ROR1: variants seen among roughly 807,000 people sequenced by gnomAD.
ROR1 encodes the protein inactive tyrosine-protein kinase transmembrane receptor ROR1.
A neutral mutation model predicts 78.8 loss-of-function variants in ROR1; 19 were observed. The ratio of observed to expected loss-of-function variants is 0.24; its 90% CI spans 0.17 to 0.35. The LOEUF is 0.35. Ranked by LOEUF, ROR1 falls within the 10% of genes least tolerant of loss-of-function variation. The probability of loss-of-function intolerance (pLI) is 1.00; values close to 1 mark genes in which losing one functional copy is unlikely to be tolerated. For missense variants in ROR1, 917 were observed against 1,177.8 expected (o/e 0.78, Z 3.24); for synonymous variants, 386 against 433.6 (o/e 0.89, Z 1.36).
At chr1:63,965,127 T>C (rs1646062974) in intron 1 of ROR1, among the ~76,000 whole-genome samples, 1 of 152,206 alleles carries the variant, frequency 6.6e-6, no homozygotes, top group Non-Finnish European at 1.5e-5. Context: ...TGAAGTATCA[T>C]CATCTGTATT....
chr1:64,069,018 C>T (rs1270606961), intron 4 of ROR1, among the ~76,000 whole-genome samples: 1 of 151,900 alleles, frequency 6.6e-6, no homozygotes, highest in Non-Finnish European at 1.5e-5. Flanking sequence ...ATTTCTTTTA[C>T]CATCTCTGTA....
chr1:63,798,790 C>T (rs906097316), intron 1 of ROR1, among the ~76,000 whole-genome samples: 5 of 151,910 alleles, frequency 3.3e-5, no homozygotes, highest in African/African-American at 7.2e-5. Context: ...TAGACATGAT[C>T]GTCCCTTCTT....
chr1:64,112,926 AC>A (rs1469281354), intron 4 of ROR1, among the ~76,000 whole-genome samples: 3 of 152,018 alleles, frequency 2.0e-5, no homozygotes, highest in African/African-American at 7.2e-5. Flanking sequence ...TCCCTATTTC[AC>A]CTCTCCACAT....
At chr1:63,962,750 G>A (rs777621517) in intron 1 of ROR1, among the ~76,000 whole-genome samples, 1 of 152,184 alleles carries the variant, frequency 6.6e-6, no homozygotes, top group Non-Finnish European at 1.5e-5. Context: ...GATGATGCTA[G>A]GTGAGGTCAG....
At chr1:63,903,396 T>C (rs1266569076) in intron 1 of ROR1, among the ~76,000 whole-genome samples, 1 of 152,172 alleles carries the variant, frequency 6.6e-6, no homozygotes, top group African/African-American at 2.4e-5. Context: ...ATTTGAAATA[T>C]AGTTGGGTTC....
chr1:64,093,774 C>A (rs1401236243), intron 4 of ROR1, among the ~76,000 whole-genome samples: 2 of 152,146 alleles, frequency 1.3e-5, no homozygotes, highest in Non-Finnish European at 2.9e-5. Flanking sequence ...ACTTCTAAAT[C>A]TGGTTTAATC....
At chr1:63,843,121 G>A (rs1224873824) in intron 1 of ROR1, 17 of 670,260 alleles carry the variant, frequency 2.5e-5, no homozygotes, top group South Asian at 2.5e-4. Flanking sequence ...TGGGAGGAAG[G>A]GGACGGCCTG....
intron 1 of ROR1, among the ~76,000 whole-genome samples, chr1:64,001,078 A>G (rs186469930): frequency 4.6e-5 from 7 of 152,250 alleles, no homozygotes; most frequent in Non-Finnish European, 1.0e-4. Context: ...CAGCCAGAAA[A>G]TGGAAACCAC....
At chr1:64,114,690 G>A (rs747042387) in intron 4 of ROR1, among the ~76,000 whole-genome samples, 6 of 152,076 alleles carry the variant, frequency 3.9e-5, no homozygotes, top group Non-Finnish European at 8.8e-5. Context: ...CAATTCAAAC[G>A]GGTATCAACT....
chr1:64,121,904 C>A (rs114819941), intron 4 of ROR1, among the ~76,000 whole-genome samples: 2,309 of 152,262 alleles, frequency 0.015, 78 homozygotes, highest in African/African-American at 0.053. Context: ...GACCTTATGG[C>A]ATTTCATTAT....
chr1:63,991,232 G>A (rs1646293805), intron 1 of ROR1, among the ~76,000 whole-genome samples: 1 of 152,048 alleles, frequency 6.6e-6, no homozygotes, highest in Admixed American at 6.6e-5. Flanking sequence ...ATTATAGACT[G>A]AGCCACCGTG....
rs563664866 is a variant in ROR1, at chr1:63,898,400, A to T, written c.92-110905A>T. Among the ~76,000 whole-genome samples the T allele has an allele frequency of 1.8e-3, 264 of 149,762 alleles. 3 individuals carry two copies. Among genetic ancestry groups the T allele is most frequent in the African/African-American group, 6.0e-3 (247 of 41,046 alleles). On this transcript the variant is annotated intron_variant, in intron 1 of 8. Coordinates refer to ENST00000371079, the MANE Select transcript of ROR1 (RefSeq NM_005012.4). ...TTTGGATAAAGGAGGTTTTTTTTTT[A>T]AAAAAAGGAAAGAATAAAAGAAGAA...
At chr1:63,892,857 A>C (rs1210149189) in intron 1 of ROR1, among the ~76,000 whole-genome samples, 4 of 152,180 alleles carry the variant, frequency 2.6e-5, no homozygotes, top group African/African-American at 9.7e-5. Flanking sequence ...AATAGGGGTG[A>C]CAGGAGAGAC....
At chr1:63,894,916 CA>C (rs1430106832) in intron 1 of ROR1, among the ~76,000 whole-genome samples, 1 of 152,146 alleles carries the variant, frequency 6.6e-6, no homozygotes, top group African/African-American at 2.4e-5. Flanking sequence ...TAAAGACCTT[CA>C]AATCTTTGAC....
Position 64,140,133 on chromosome 1 carries a change from C to G in ROR1, c.635C>G (p.Ser212Cys). The G allele has an allele frequency of 6.2e-7, 1 of 1,612,950 alleles. No individual in the cohort carries two copies. Among genetic ancestry groups the G allele is most frequent in the Non-Finnish European group, 8.5e-7 (1 of 1,178,998 alleles). The change falls in exon 6 of 9, where the codon TCC (serine) becomes TGC (cysteine). Residue 212 changes from serine (S) to cysteine (C), a missense_variant. Ser to Cys is a moderately radical substitution (Grantham distance 112, BLOSUM62 -1). Coordinates refer to ENST00000371079, the MANE Select transcript of ROR1 (RefSeq NM_005012.4). ...GCTGCCTTCACTATGATTGGCACTT[C>G]CAGTCACTTATCTGATAAGTGTTCT... is the stretch of plus-strand genomic sequence containing the variant. Reference protein sequence around the residue: ...ITAAFTMIGTSSHLSDKCSQF... With the variant: ...ITAAFTMIGTCSHLSDKCSQF...
chr1:64,108,061 TG>T (rs3222663), intron 4 of ROR1, among the ~76,000 whole-genome samples: 7 of 234 alleles, frequency 0.03, no homozygotes, highest in South Asian at 0.12. Context: ...GTTTTCTTGT[TG>T]TGTGTGTGTG....
At chr1:63,808,090 C>T (rs1644839850) in intron 1 of ROR1, among the ~76,000 whole-genome samples, 1 of 152,106 alleles carries the variant, frequency 6.6e-6, no homozygotes, top group Admixed American at 6.6e-5. Context: ...CCTCTTCTTC[C>T]TCCTCCTCCA....
At chr1:63,864,256 G>A (rs2100349793) in intron 1 of ROR1, among the ~76,000 whole-genome samples, 1 of 152,274 alleles carries the variant, frequency 6.6e-6, no homozygotes, top group East Asian at 1.9e-4. Context: ...ATGTTTCATG[G>A]CTGGACCATT....
At chr1:64,054,751 G>T (rs920632754) in intron 4 of ROR1, among the ~76,000 whole-genome samples, 2 of 152,142 alleles carry the variant, frequency 1.3e-5, no homozygotes, top group African/African-American at 4.8e-5. Context: ...TGGGCTGCTG[G>T]AAAGTATCAC....
Sources: gnomAD v4.1 joint callset for allele counts (sites outside exome capture counted in the v4.1 genomes callset) on GRCh38, gnomAD v4.1.1 for gene constraint, MANE v1.5 for transcripts, NCBI Gene and HGNC (gene_info 2026-07-23, HGNC 2026-07-21) for gene names.